The following SYNDIG1L variants were observed in gnomAD, a reference collection of about 807,000 sequenced individuals.
SYNDIG1L encodes synapse differentiation inducing 1 like, also known as synapse differentiation-inducing gene protein 1-like.
SYNDIG1L carries 13 observed loss-of-function variants against 20.1 expected under a neutral mutation model. The observed-to-expected ratio is 0.65, with a 90% CI of 0.42 to 1.03. The LOEUF (loss-of-function observed/expected upper bound fraction) is 1.03, where lower values mean the gene tolerates loss of function less well. Ranked by LOEUF, SYNDIG1L falls within the 50% of genes least tolerant of loss-of-function variation. The pLI is 0.00. For missense variants in SYNDIG1L, 294 were observed against 305.1 expected (o/e 0.96, Z 0.27); for synonymous variants, 128 against 129.3 (o/e 0.99, Z 0.07).
At chr14:74,407,717 A>G in intron 3 of SYNDIG1L, 24 bp from the exon 4 acceptor site, 1 of 1,586,968 alleles carries the variant, frequency 6.3e-7, no homozygotes, top group Non-Finnish European at 8.6e-7. Flanking sequence ...CATGCTGATG[A>G]ACAGGAGTGT....
intron 1 of SYNDIG1L, among the ~76,000 whole-genome samples, chr14:74,411,739 G>C (rs561144953): frequency 6.0e-4 from 92 of 152,290 alleles, no homozygotes; most frequent in Middle Eastern, 3.4e-3. Context: ...GAAGCGGGGT[G>C]GGGGCTGCTG....
chr14:74,460,693 T>C, the SYNDIG1L span, among the ~76,000 whole-genome samples: 1 of 152,204 alleles, frequency 6.6e-6, no homozygotes, highest in Non-Finnish European at 1.5e-5. Flanking sequence ...TGGAGTGCAG[T>C]GGTGTGGTCT....
At chr14:74,427,094 T>C (rs913406406), upstream of SYNDIG1L, among the ~76,000 whole-genome samples, 26 of 151,096 alleles carry the variant, frequency 1.7e-4, no homozygotes, top group Admixed American at 1.1e-3. Context: ...TGTGCTGCTC[T>C]TTATCCACCT....
the SYNDIG1L span, among the ~76,000 whole-genome samples, chr14:74,466,086 C>G: frequency 1.3e-5 from 2 of 152,222 alleles, no homozygotes; most frequent in Non-Finnish European, 2.9e-5. Flanking sequence ...TTAGCTCCCC[C>G]TTCCCATTCG....
At chr14:74,476,496 T>G in the SYNDIG1L span, 7 of 1,533,638 alleles carry the variant, frequency 4.6e-6, no homozygotes, top group Admixed American at 1.2e-4. Flanking sequence ...CCACGTCTGC[T>G]CCAGAATCTC....
chr14:74,466,467 CATG>C, the SYNDIG1L span, among the ~76,000 whole-genome samples: 1 of 152,152 alleles, frequency 6.6e-6, no homozygotes, highest in East Asian at 1.9e-4. Context: ...AGGAACTCTG[CATG>C]ATATTAGGCA....
the SYNDIG1L span, among the ~76,000 whole-genome samples, chr14:74,439,388 C>G: frequency 6.6e-6 from 1 of 152,070 alleles, no homozygotes; most frequent in Admixed American, 6.6e-5. Context: ...GGATTTGAGC[C>G]CTGATCAGTC....
chr14:74,451,022 T>C, the SYNDIG1L span, among the ~76,000 whole-genome samples: 2 of 152,210 alleles, frequency 1.3e-5, no homozygotes, highest in Admixed American at 1.3e-4. Flanking sequence ...TATGGATTCA[T>C]TGTAATTCCA....
intron 1 of SYNDIG1L, among the ~76,000 whole-genome samples, chr14:74,410,016 T>C (rs1352740851): frequency 6.6e-6 from 1 of 152,208 alleles, no homozygotes; most frequent in Non-Finnish European, 1.5e-5. Flanking sequence ...CCCACAGAGT[T>C]GGCTTAGTCA....
chr14:74,407,768 A>G (rs2086094965), intron 3 of SYNDIG1L, 75 bp from the exon 4 acceptor site: 1 of 1,576,092 alleles, frequency 6.3e-7, no homozygotes, highest in African/African-American at 1.3e-5. Flanking sequence ...CAGGCCCCTG[A>G]CCCCATCCTG....
At chr14:74,448,421 A>C in the SYNDIG1L span, among the ~76,000 whole-genome samples, 1 of 152,212 alleles carries the variant, frequency 6.6e-6, no homozygotes. Context: ...TTTTATAATG[A>C]TGAAAATGTT....
chr14:74,473,350 A>G, the SYNDIG1L span, among the ~76,000 whole-genome samples: 7 of 152,128 alleles, frequency 4.6e-5, no homozygotes, highest in African/African-American at 1.7e-4. Context: ...ATGCCACTGC[A>G]CTCTAGCCTG....
At chr14:74,423,693 TACACAC>T (rs10532344) in intron 1 of SYNDIG1L, among the ~76,000 whole-genome samples, 89 of 151,336 alleles carry the variant, frequency 5.9e-4, no homozygotes, top group Non-Finnish European at 9.7e-4. Context: ...GATATATATA[TACACAC>T]ACACACACAC....
the SYNDIG1L span, among the ~76,000 whole-genome samples, chr14:74,463,206 A>C: frequency 6.6e-6 from 1 of 152,202 alleles, no homozygotes; most frequent in East Asian, 1.9e-4. Context: ...GCTTCCCTGC[A>C]ACACTCCACA....
chr14:74,437,685 C>T, the SYNDIG1L span, among the ~76,000 whole-genome samples: 5 of 152,222 alleles, frequency 3.3e-5, no homozygotes, highest in Admixed American at 3.3e-4. Context: ...GCCTGGACCA[C>T]ATCAACTATC....
At chr14:74,413,642 G>GA (rs889379376) in intron 1 of SYNDIG1L, among the ~76,000 whole-genome samples, 1 of 151,284 alleles carries the variant, frequency 6.6e-6, no homozygotes, top group Admixed American at 6.6e-5. Flanking sequence ...TTTTAAACCA[G>GA]AAAAAAATTA....
the SYNDIG1L span, among the ~76,000 whole-genome samples, chr14:74,477,118 A>AACACACAC: frequency 0.041 from 3,434 of 83,116 alleles, 438 homozygotes; most frequent in Admixed American, 0.087. Flanking sequence ...CCCCATTCCC[A>AACACACAC]ACACACACAC....
the SYNDIG1L span, among the ~76,000 whole-genome samples, chr14:74,477,118 A>AGCACACACAC: frequency 3.6e-5 from 3 of 83,132 alleles, no homozygotes; most frequent in African/African-American, 1.6e-4. Context: ...CCCCATTCCC[A>AGCACACACAC]ACACACACAC....
At chr14:74,426,408 C>T (rs1183657699), upstream of SYNDIG1L, among the ~76,000 whole-genome samples, 2 of 152,062 alleles carry the variant, frequency 1.3e-5, no homozygotes, top group East Asian at 1.9e-4. Flanking sequence ...CAGCTGGAAC[C>T]CGCGTACCCG....
Sources: gnomAD v4.1 joint callset for allele counts (sites outside exome capture counted in the v4.1 genomes callset) on GRCh38, gnomAD v4.1.1 for gene constraint, MANE v1.5 for transcripts, NCBI Gene and HGNC (gene_info 2026-07-23, HGNC 2026-07-21) for gene names.